LARGE1: variants seen among roughly 807,000 people sequenced by gnomAD.
LARGE1 encodes the protein LARGE xylosyl- and glucuronyltransferase 1.
Under a neutral mutation model 87.6 loss-of-function variants are expected in LARGE1, and 43 were observed. The ratio of observed to expected loss-of-function variants is 0.49; its 90% CI spans 0.38 to 0.63. The LOEUF (loss-of-function observed/expected upper bound fraction) is 0.63. Among genes scored for constraint, LARGE1 ranks in the 30% least tolerant of loss-of-function variants. LARGE1 has a pLI of 0.00. For synonymous variants in LARGE1, 434 were observed against 394.6 expected (o/e 1.10, Z -1.18); for missense variants, 802 against 1,000.2 (o/e 0.80, Z 2.67).
intron 11 of LARGE1, among the ~76,000 whole-genome samples, chr22:33,202,502 A>G (rs1017783413): frequency 6.6e-6 from 1 of 152,218 alleles, no homozygotes; most frequent in Non-Finnish European, 1.5e-5. Context: ...AAGACATGAA[A>G]TTATGTTTTA....
intron 2 of LARGE1, among the ~76,000 whole-genome samples, chr22:33,711,476 C>T (rs534544729): frequency 1.2e-4 from 19 of 152,288 alleles, no homozygotes; most frequent in South Asian, 1.2e-3. Context: ...GGAATGAGGC[C>T]GACCTCCTTA....
Position 33,778,275 on chromosome 22 carries a change from C to G in LARGE1, c.-82-16717G>C, listed in dbSNP as rs371237731. Among the ~76,000 whole-genome samples, 4 of 152,118 alleles carry G rather than the reference C, an allele frequency of 2.6e-5. No homozygotes were observed. In the East Asian group the frequency reaches 5.8e-4, roughly 22 times the overall value. ...CCCTTTAACCCTTGTTTCAAGATAC[C>G]CCCTGATTTGAGCCACATAAATATC... is the stretch of plus-strand genomic sequence containing the variant. On this transcript the variant is annotated intron_variant, in intron 1 of 14. Coordinates refer to ENST00000397394, the MANE Select transcript of LARGE1 (RefSeq NM_133642.5).
chr22:33,683,888 T>C (rs905637900), intron 2 of LARGE1, among the ~76,000 whole-genome samples: 3 of 152,090 alleles, frequency 2.0e-5, no homozygotes, highest in Non-Finnish European at 2.9e-5. Context: ...AGTACTAGAA[T>C]GGAGCTGGGG....
intron 12 of LARGE1, among the ~76,000 whole-genome samples, chr22:33,294,532 C>T (rs999062034): frequency 2.6e-5 from 4 of 152,332 alleles, no homozygotes; most frequent in East Asian, 1.9e-4. Context: ...ACTGATTTCT[C>T]TCAAGATTTA....
intron 1 of LARGE1, among the ~76,000 whole-genome samples, chr22:33,795,836 C>T (rs1249353714): frequency 1.3e-5 from 2 of 151,710 alleles, no homozygotes; most frequent in Admixed American, 6.6e-5. Flanking sequence ...ACATCACACA[C>T]TGGGGTCTGT....
chr22:33,761,477 C>G lies in LARGE1; in HGVS notation c.-1G>C, dbSNP rs755287742. 2 of 1,613,008 alleles carry G rather than the reference C, an allele frequency of 1.2e-6. No individual in the cohort carries two copies. Among genetic ancestry groups the G allele is most frequent in the Non-Finnish European group, 1.7e-6 (2 of 1,179,234 alleles). On this transcript the variant is annotated 5_prime_UTR_variant, in exon 2 of 15. Transcript: ENST00000397394. ...GTCTCCCCCTGCAGATTCCCAGCAT[C>G]CTCTCAGAAGTGGCAATCCCTAATC...
chr22:33,156,543 T>C, the LARGE1 span, among the ~76,000 whole-genome samples: 1 of 152,172 alleles, frequency 6.6e-6, no homozygotes, highest in Non-Finnish European at 1.5e-5. Context: ...TTTGGAATGG[T>C]TGTATTTACC....
intron 1 of LARGE1, among the ~76,000 whole-genome samples, chr22:33,780,711 TC>T (rs2145891382): frequency 6.6e-6 from 1 of 152,312 alleles, no homozygotes; most frequent in East Asian, 1.9e-4. Flanking sequence ...GAGACATAAA[TC>T]CCTCCTCTGC....
At chr22:33,187,190 C>A (rs1222064965) in intron 11 of LARGE1, among the ~76,000 whole-genome samples, 1 of 152,160 alleles carries the variant, frequency 6.6e-6, no homozygotes, top group Non-Finnish European at 1.5e-5. Context: ...ATTTGGTCCT[C>A]CATGTTCATT....
At chr22:33,161,308 CCAAG>C (rs1922015782), downstream of LARGE1, among the ~76,000 whole-genome samples, 1 of 152,122 alleles carries the variant, frequency 6.6e-6, no homozygotes, top group African/African-American at 2.4e-5. Flanking sequence ...GGATACAGAG[CCAAG>C]CCATATCATT....
At chr22:33,818,126 G>C (rs2086712068) in intron 1 of LARGE1, among the ~76,000 whole-genome samples, 1 of 152,140 alleles carries the variant, frequency 6.6e-6, no homozygotes, top group Non-Finnish European at 1.5e-5. Context: ...CCTTGGATTA[G>C]GCACTGGTCC....
At chr22:33,629,010 GAGCAAAATGA>G (rs940592383) in intron 3 of LARGE1, among the ~76,000 whole-genome samples, 4 of 152,146 alleles carry the variant, frequency 2.6e-5, no homozygotes, top group African/African-American at 7.2e-5. Context: ...AGGGATGAGG[GAGCAAAATGA>G]AGCAAAATGA....
intron 11 of LARGE1, among the ~76,000 whole-genome samples, chr22:33,237,261 C>T (rs962003300): frequency 6.6e-6 from 1 of 152,074 alleles, no homozygotes; most frequent in Non-Finnish European, 1.5e-5. Flanking sequence ...ATTAAACATG[C>T]ATGGTATATT....
intron 6 of LARGE1, among the ~76,000 whole-genome samples, chr22:33,483,628 G>T (rs1236442129): frequency 6.6e-6 from 1 of 151,418 alleles, no homozygotes; most frequent in Non-Finnish European, 1.5e-5. Context: ...AAATAGGAGG[G>T]GTCGGGCTGC....
intron 2 of LARGE1, 144 bp downstream of exon 2, chr22:33,761,227 C>CCTGTGTGAT: frequency 1.3e-6 from 1 of 792,650 alleles, no homozygotes; most frequent in Non-Finnish European, 2.3e-6. Context: ...CTGCCAACTA[C>CCTGTGTGAT]CTGTGTGATT....
chr22:33,915,040 C>CAGAGAG (rs1431046257), intron 1 of LARGE1, among the ~76,000 whole-genome samples: 27 of 91,654 alleles, frequency 2.9e-4, no homozygotes, highest in East Asian at 6.3e-4. Context: ...CACACACACA[C>CAGAGAG]ACAGAGAGAG....
chr22:33,127,285 A>T, the LARGE1 span, among the ~76,000 whole-genome samples: 364 of 152,302 alleles, frequency 2.4e-3, no homozygotes, highest in Middle Eastern at 0.01. Flanking sequence ...TGAGCAACCC[A>T]GGATTAAGAA....
chr22:33,471,176 C>T lies in LARGE1; in HGVS notation c.788-38911G>A, dbSNP rs139260771. 3.0e-3 allele frequency among the ~76,000 whole-genome samples: 457 copies of T among 151,980 alleles called. 2 individuals carry two copies. The highest frequency in any genetic ancestry group is 0.024 in the Middle Eastern group (7 of 294). The stretch of plus-strand genomic sequence containing the variant: ...CCAAGTAGCTGGGGTTAAGGGCACA[C>T]ACTACCATGCCCAGCTCATACTTGT... On this transcript the variant is annotated intron_variant, in intron 6 of 14. Coordinates refer to ENST00000397394, the MANE Select transcript of LARGE1 (RefSeq NM_133642.5).
intron 7 of LARGE1, among the ~76,000 whole-genome samples, chr22:33,390,694 T>G (rs1316786629): frequency 6.7e-6 from 1 of 149,414 alleles, no homozygotes; most frequent in Non-Finnish European, 1.5e-5. Flanking sequence ...TGTGTGTTTT[T>G]TTTTTTTTTT....
Sources: gnomAD v4.1 joint callset for allele counts (sites outside exome capture counted in the v4.1 genomes callset) on GRCh38, gnomAD v4.1.1 for gene constraint, MANE v1.5 for transcripts, NCBI Gene and HGNC (gene_info 2026-07-23, HGNC 2026-07-21) for gene names.